The following SLC26A6 variants were observed in gnomAD, a reference collection of about 807,000 sequenced individuals.
The protein encoded by SLC26A6 is solute carrier family 26 member 6.
A neutral mutation model predicts 87.1 loss-of-function variants in SLC26A6; 67 were observed. That is an observed-to-expected ratio of 0.77 (90% CI 0.63 to 0.94). The LOEUF (loss-of-function observed/expected upper bound fraction) is 0.94, where lower values mean the gene tolerates loss of function less well. SLC26A6 is among the 40% of genes least tolerant of loss of function. The pLI is 0.00. For synonymous variants in SLC26A6, 414 were observed against 405.9 expected, an observed-to-expected ratio of 1.02 and a Z score of -0.24; for missense variants, 902 against 973.0, an observed-to-expected ratio of 0.93 and a Z score of 0.97.
At chr3:48,634,937 C>T (rs1371250482) in intron 1 of SLC26A6, among the ~76,000 whole-genome samples, 2 of 152,220 alleles carry the variant, frequency 1.3e-5, no homozygotes, top group Non-Finnish European at 2.9e-5. Context: ...TGATCATTGG[C>T]CCCTCCCTGT....
In SLC26A6 at chr3:48,626,898, A is replaced by C. The variant is rs1490565189; in HGVS notation, c.2051T>G (p.Val684Gly). Reference protein sequence around the residue: ...DLGALSFVDTVCLKSLKNIFH... With the variant: ...DLGALSFVDTGCLKSLKNIFH... ...TACATTCTTCAGGCTCTTGAGGCAC[A>C]CAGTGTCCACAAAGGAGAGGGCACC... The change falls in exon 18 of 21, where the codon GTG becomes GGG. Residue 684 changes from valine (V) to glycine (G), a missense_variant. Around this residue, in one of 3 missense-constraint regions of SLC26A6, gnomAD observed 99 missense variants for 100.1 expected, o/e 0.99. Coordinates refer to ENST00000395550, the MANE Select transcript of SLC26A6 (RefSeq NM_022911.3). 2.5e-6 allele frequency: 4 copies of C among 1,613,948 alleles called. No homozygotes were observed. The highest frequency in any genetic ancestry group is 8.5e-7 in the Non-Finnish European group (1 of 1,179,934).
rs745794788 is a variant in SLC26A6, at chr3:48,629,753, A to G, written c.1530-42T>C. 6.8e-5 allele frequency: 110 copies of G among 1,608,914 alleles called. 1 individual carries two copies. In the Admixed American group the frequency reaches 1.8e-3, roughly 27 times the overall value. On this transcript the variant is annotated intron_variant, in intron 13 of 20. Coordinates refer to ENST00000395550, the MANE Select transcript of SLC26A6 (RefSeq NM_022911.3). ...GAATGCACGAAGAGGGGGCAGAAAAAGGGGATAACAGAGGGGTCCGAAGGA... is the reference window on the plus strand; with the variant it reads ...GAATGCACGAAGAGGGGGCAGAAAAGGGGGATAACAGAGGGGTCCGAAGGA...
intron 7 of SLC26A6, 143 bp downstream of exon 7, chr3:48,631,506 G>T: frequency 1.7e-6 from 2 of 1,180,568 alleles, no homozygotes; most frequent in African/African-American, 1.5e-5. Flanking sequence ...CAACATAGGG[G>T]CTTTCTGCTG....
rs751717478 is a variant in SLC26A6 at position 48,628,015 on chromosome 3, T to C, written c.1824A>G (p.Ser608=). Residue 608 remains serine (S), a synonymous_variant, in exon 17 of 21, where the codon TCA becomes TCG. Coordinates refer to ENST00000395550, the MANE Select transcript of SLC26A6 (RefSeq NM_022911.3). This position sits in a 1 kb window ranked among gnomAD's most constrained non-coding sequence, Gnocchi z 4.4. ...GGCTGGTGTTGACATTAATGGAAACTGAGGCGCCCTTGGGGGAGGCAGCCT... is the reference window on the plus strand; with the variant it reads ...GGCTGGTGTTGACATTAATGGAAACCGAGGCGCCCTTGGGGGAGGCAGCCT... The part of the protein sequence containing the change: ...RKQAASPKGA[S]VSINVNTSLE... 1.3e-6 allele frequency: 2 copies of C among 1,585,960 alleles called. No individual in the cohort carries two copies. The highest frequency in any genetic ancestry group is 2.3e-5 in the South Asian group (2 of 86,014).
At chr3:48,631,587 C>A in intron 7 of SLC26A6, 62 bp downstream of exon 7, 2 of 1,571,702 alleles carry the variant, frequency 1.3e-6, no homozygotes, top group East Asian at 2.2e-5. Flanking sequence ...AGGCTGCCCA[C>A]GTGGCAAGGA....
chr3:48,628,027 G>C lies in SLC26A6; in HGVS notation c.1812C>G (p.Pro604=), dbSNP rs528062612. Residue 604 remains proline, a synonymous_variant, in exon 17 of 21, where the codon CCC becomes CCG. Transcript: ENST00000395550. This position sits in a 1 kb window ranked among gnomAD's most constrained non-coding sequence, Gnocchi z 4.4. The part of the protein sequence containing the change: ...EEKLRKQAAS[P]KGASVSINVN... ...CATTAATGGAAACTGAGGCGCCCTT[G>C]GGGGAGGCAGCCTACACCAGGGAAG... The C allele has an allele frequency of 6.3e-6, 10 of 1,578,094 alleles. No homozygotes were observed. Among genetic ancestry groups the C allele is most frequent in the Non-Finnish European group, 7.7e-6 (9 of 1,167,914 alleles).
chr3:48,626,245 C>T lies in SLC26A6; in HGVS notation c.2238G>A (p.Pro746=), dbSNP rs762099048. 14 of 1,614,016 alleles carry T rather than the reference C, an allele frequency of 8.7e-6. No individual in the cohort carries two copies. The highest frequency in any genetic ancestry group is 4.5e-5 in the East Asian group (2 of 44,872). Residue 746 remains proline (P), a synonymous_variant, in exon 20 of 21, where the codon CCG becomes CCA. Coordinates refer to ENST00000395550, the MANE Select transcript of SLC26A6 (RefSeq NM_022911.3). ...AAACAGGGCTGTCGGGGACAGGCCT[C>T]GGGTGTTGGAGGGCAAAGGTGACAG... ...HDAVTFALQH[P]RPVPDSPVSV...
chr3:48,634,001 A>T, intron 1 of SLC26A6: 1 of 489,154 alleles, frequency 2.0e-6, no homozygotes, highest in Non-Finnish European at 2.9e-6. Context: ...GTCCTCCTCC[A>T]GCTGCCCCGG....
At position 48,629,866 on chromosome 3, in the gene SLC26A6, A is replaced by G; in HGVS notation, c.1529+6T>C. On this transcript the variant is annotated splice_donor_region_variant and intron_variant, in intron 13 of 20. Coordinates refer to ENST00000395550, the MANE Select transcript of SLC26A6 (RefSeq NM_022911.3). The stretch of plus-strand genomic sequence containing the variant: ...TGGAATGAGGGGACCAACATGGCGG[A>G]CTCACATCTGTGTCCGGACCACCAC... 2.5e-6 allele frequency: 4 copies of G among 1,614,082 alleles called. No individual in the cohort carries two copies. In the South Asian group the frequency reaches 4.4e-5, roughly 18 times the overall value.
chr3:48,634,734 G>A lies in SLC26A6; in HGVS notation c.23+637C>T, dbSNP rs376618133. On this transcript the variant is annotated intron_variant, in intron 1 of 20. Transcript: ENST00000395550. ...CATTTGAGGGACAGGAACTCACCTG[G>A]GAAGCGCCTCTAACCTGGCTGTACT... 24 of 985,414 alleles carry A rather than the reference G, an allele frequency of 2.4e-5. No individual in the cohort carries two copies. The South Asian group carries it at 2.8e-4, about 12-fold the overall frequency. The allele number at this position is 985,414 out of a possible 1,614,324, so 61.0% of individuals were successfully genotyped here.
At chr3:48,629,578 C>T in intron 14 of SLC26A6, 64 bp downstream of exon 14, 1 of 1,519,256 alleles carries the variant, frequency 6.6e-7, no homozygotes, top group Non-Finnish European at 8.9e-7. Flanking sequence ...GGAACGAATC[C>T]ACAAAGGCTC....
At position 48,632,144 on chromosome 3, in the gene SLC26A6, AGAG is replaced by A. The variant is rs1030058236; in HGVS notation, c.585+98_585+100del. ...ATGGGAGGGGGATGAGTAGACGGCA[AGAG>A]GAGGACGACGATGGTCAGACACTCA... On this transcript the variant is annotated intron_variant, in intron 5 of 20. Transcript: ENST00000395550. 6 of 1,583,890 alleles carry A rather than the reference AGAG, an allele frequency of 3.8e-6. No homozygotes were observed. The East Asian group carries it at 9.0e-5, about 24-fold the overall frequency.
intron 19 of SLC26A6, 55 bp downstream of exon 19, chr3:48,626,576 C>T: frequency 6.2e-7 from 1 of 1,611,936 alleles, no homozygotes; most frequent in Non-Finnish European, 8.5e-7. Flanking sequence ...AACCCCTTGG[C>T]CAAAAGTATC....
At chr3:48,627,436 C>G (rs945094997) in intron 17 of SLC26A6, 11 of 221,834 alleles carry the variant, frequency 5.0e-5, no homozygotes. Context: ...CTGTCTCAGT[C>G]TCTAATTAAG....
chr3:48,628,086 T>G lies in SLC26A6; in HGVS notation c.1801-48A>C, dbSNP rs770323929. 1.3e-6 allele frequency: 2 copies of G among 1,501,088 alleles called. No individual in the cohort carries two copies. Among genetic ancestry groups the G allele is most frequent in the Non-Finnish European group, 1.8e-6 (2 of 1,117,396 alleles). 93.0% of individuals were successfully genotyped at this position (1,501,088 alleles called of 1,614,324 possible). ...TGGGAAACAGCTAGCCCGGCTGCCA[T>G]GACAGCCATGTCACATAGGCCTGGT... is the stretch of plus-strand genomic sequence containing the variant. On this transcript the variant is annotated intron_variant, in intron 16 of 20. Coordinates refer to ENST00000395550, the MANE Select transcript of SLC26A6 (RefSeq NM_022911.3). This position sits in a 1 kb window ranked among gnomAD's most constrained non-coding sequence, Gnocchi z 4.4.
chr3:48,630,536 C>G, intron 10 of SLC26A6, 21 bp from the exon 11 acceptor site: 2 of 1,558,582 alleles, frequency 1.3e-6, no homozygotes, highest in Non-Finnish European at 1.7e-6. Flanking sequence ...AGGGAGTGAG[C>G]AGGGGAGAGA....
intron 5 of SLC26A6, 32 bp from the exon 6 acceptor site, chr3:48,632,076 C>G (rs1175345538): frequency 6.2e-7 from 1 of 1,611,200 alleles, no homozygotes; most frequent in Non-Finnish European, 8.5e-7. Flanking sequence ...TCAGGAGAGG[C>G]AGGGGTCCTG....
Position 48,627,039 on chromosome 3 carries a change from TCTCCTGAG to T in SLC26A6, c.1902_1909del (p.Ser634ArgfsTer2), listed in dbSNP as rs1167633119. On this transcript the variant is annotated frameshift_variant, in exon 18 of 21. Coordinates refer to ENST00000395550, the MANE Select transcript of SLC26A6 (RefSeq NM_022911.3). LOFTEE classifies it high-confidence loss of function. ...ATTGGCTGTTGCATCTTCCATCTTA[TCTCCTGAG>T]CTCACCTGCTGGGGAGCCAGACATG... is the stretch of plus-strand genomic sequence containing the variant. 1 of 1,613,334 alleles carries T rather than the reference TCTCCTGAG, an allele frequency of 6.2e-7. No individual in the cohort carries two copies. The highest frequency in any genetic ancestry group is 8.5e-7 in the Non-Finnish European group (1 of 1,179,694).
chr3:48,628,464 T>C lies in SLC26A6; in HGVS notation c.1770A>G (p.Gln590=). Residue 590 remains glutamine (Q), a synonymous_variant, in exon 16 of 21, where the codon CAA becomes CAG. Coordinates refer to ENST00000395550, the MANE Select transcript of SLC26A6 (RefSeq NM_022911.3). The surrounding 1 kb of genome is among the most constrained non-coding windows in gnomAD (Gnocchi z 4.4). ...TCCGAAGCTTCTCCTCTTTCTGCAGTTGCTTCAGCTTCAGCTGCTCCTGCT... is the reference window on the plus strand; with the variant it reads ...TCCGAAGCTTCTCCTCTTTCTGCAGCTGCTTCAGCTTCAGCTGCTCCTGCT... ...LKKQEQLKLK[Q]LQKEEKLRKQ... 6.2e-7 allele frequency: 1 copy of C among 1,614,060 alleles called. No homozygotes were observed. Among genetic ancestry groups the C allele is most frequent in the Non-Finnish European group, 8.5e-7 (1 of 1,179,974 alleles).
Sources: allele counts gnomAD v4.1 joint callset (sites outside exome capture counted in the v4.1 genomes callset), GRCh38; gene constraint gnomAD v4.1.1; regional missense constraint gnomAD v4.1.1; non-coding constraint Gnocchi (gnomAD v3.1); transcripts MANE v1.5; gene names NCBI Gene and HGNC (gene_info 2026-07-23, HGNC 2026-07-21).